Variants in LRRC49 observed in about 807,000 individuals in gnomAD.
LRRC49 encodes leucine-rich repeat-containing protein 49.
LRRC49 carries 50 observed loss-of-function variants against 83.3 expected under a neutral mutation model. The observed-to-expected ratio is 0.60, with a 90% CI of 0.48 to 0.76. LRRC49 has a LOEUF of 0.76. LRRC49 is among the 30% of genes least tolerant of loss of function. LRRC49 has a pLI of 0.00. For missense variants in LRRC49, 704 were observed against 809.1 expected (o/e 0.87, Z 1.58); for synonymous variants, 286 against 283.3 (o/e 1.01, Z -0.10).
chr15:70,855,701 C>G (rs1285650692), intron 1 of LRRC49, among the ~76,000 whole-genome samples: 2 of 152,184 alleles, frequency 1.3e-5, no homozygotes, highest in Non-Finnish European at 1.5e-5. Context: ...TGTCGGACCT[C>G]TGTTTTGATA....
At chr15:70,941,741 A>T (rs1245466642) in intron 8 of LRRC49, among the ~76,000 whole-genome samples, 1 of 152,180 alleles carries the variant, frequency 6.6e-6, no homozygotes, top group East Asian at 1.9e-4. Flanking sequence ...ACAAAAATAC[A>T]TACAGATACT....
rs532796087 is a variant in LRRC49, at chr15:71,018,643, A to G, written c.1703+5730A>G. Among the ~76,000 whole-genome samples the G allele has an allele frequency of 3.3e-5, 5 of 152,320 alleles. No individual in the cohort carries two copies. In the South Asian group the frequency reaches 8.3e-4, roughly 25 times the overall value. On this transcript the variant is annotated intron_variant, in intron 14 of 15. Coordinates refer to ENST00000260382, the MANE Select transcript of LRRC49 (RefSeq NM_017691.5). Reference sequence around the variant, plus strand: ...AGGGGGTTTTCCCTACACACTAGCCAGGCAATTCAGCAGCAGACACCAGCT... The same window carrying G: ...AGGGGGTTTTCCCTACACACTAGCCGGGCAATTCAGCAGCAGACACCAGCT...
chr15:71,010,217 G>A (rs1221779081), intron 13 of LRRC49, among the ~76,000 whole-genome samples: 1 of 151,850 alleles, frequency 6.6e-6, no homozygotes, highest in Non-Finnish European at 1.5e-5. Context: ...ATAGTAAATG[G>A]CAAATACTTA....
At chr15:70,938,946 A>G (rs990795219) in intron 8 of LRRC49, among the ~76,000 whole-genome samples, 7 of 152,232 alleles carry the variant, frequency 4.6e-5, no homozygotes, top group Admixed American at 2.0e-4. Flanking sequence ...GGAAAATATC[A>G]GAGTTTGTCA....
chr15:70,892,520 G>T (rs1055319243), upstream of LRRC49: 34 of 1,521,030 alleles, frequency 2.2e-5, no homozygotes, highest in Non-Finnish European at 2.9e-5. Flanking sequence ...CAAGCAGAGG[G>T]ATACAAATTT....
At chr15:70,972,466 G>C (rs892306539) in intron 9 of LRRC49, among the ~76,000 whole-genome samples, 9 of 152,056 alleles carry the variant, frequency 5.9e-5, no homozygotes, top group African/African-American at 2.2e-4. Flanking sequence ...TGTGTCTTGA[G>C]GTTGATTTTC....
chr15:70,892,443 A>T, upstream of LRRC49: 3 of 1,534,828 alleles, frequency 2.0e-6, no homozygotes, highest in Non-Finnish European at 2.6e-6. Flanking sequence ...TGGGGCCCCC[A>T]ATGGGAGGGC....
chr15:70,919,843 G>A (rs541700303), intron 7 of LRRC49, among the ~76,000 whole-genome samples: 88 of 152,262 alleles, frequency 5.8e-4, no homozygotes, highest in African/African-American at 2.0e-3. Flanking sequence ...TGGCATGTGA[G>A]CAGGAGGAAA....
At chr15:71,005,453 A>G (rs867614077) in intron 11 of LRRC49, among the ~76,000 whole-genome samples, 5 of 152,160 alleles carry the variant, frequency 3.3e-5, no homozygotes, top group African/African-American at 1.2e-4. Context: ...TATATCCCCA[A>G]TGCTTAACAC....
At chr15:70,884,860 A>T (rs1023948383) in intron 2 of LRRC49, among the ~76,000 whole-genome samples, 2 of 152,222 alleles carry the variant, frequency 1.3e-5, no homozygotes, top group African/African-American at 2.4e-5. Flanking sequence ...GAAGCTAAAA[A>T]TTAGTCATAA....
chr15:70,957,886 C>A (rs2036458577), intron 8 of LRRC49, among the ~76,000 whole-genome samples: 1 of 152,022 alleles, frequency 6.6e-6, no homozygotes, highest in African/African-American at 2.4e-5. Context: ...GATAATCTGT[C>A]AAATATATAT....
intron 2 of LRRC49, among the ~76,000 whole-genome samples, chr15:70,873,547 T>G (rs1398665881): frequency 6.6e-6 from 1 of 152,188 alleles, no homozygotes; most frequent in Non-Finnish European, 1.5e-5. Context: ...TTGGCGGATT[T>G]GCTGGACTTC....
chr15:71,015,298 TGG>T (rs1052011649), intron 14 of LRRC49, among the ~76,000 whole-genome samples: 5 of 152,204 alleles, frequency 3.3e-5, no homozygotes, highest in African/African-American at 1.2e-4. Flanking sequence ...TCAACCTTTT[TGG>T]CACCAGGGAC....
chr15:70,915,469 A>T (rs908921527), intron 6 of LRRC49, among the ~76,000 whole-genome samples: 5 of 152,192 alleles, frequency 3.3e-5, no homozygotes, highest in African/African-American at 4.8e-5. Context: ...TCTTGAGCTC[A>T]GGAAAGTTTT....
chr15:70,950,218 C>T (rs555236637), intron 8 of LRRC49, among the ~76,000 whole-genome samples: 46 of 152,268 alleles, frequency 3.0e-4, no homozygotes, highest in Non-Finnish European at 1.2e-4. Context: ...CGATGATGGA[C>T]ATCTTGGTTG....
At chr15:70,909,904 G>A (rs2034483333) in intron 5 of LRRC49, among the ~76,000 whole-genome samples, 1 of 147,146 alleles carries the variant, frequency 6.8e-6, no homozygotes, top group African/African-American at 2.5e-5. Context: ...GAAAGTTGTA[G>A]CTGTTTTCCC....
intron 11 of LRRC49, among the ~76,000 whole-genome samples, chr15:70,988,399 T>A (rs1265588025): frequency 6.7e-6 from 1 of 149,172 alleles, no homozygotes; most frequent in Non-Finnish European, 1.5e-5. Flanking sequence ...AATGGCCTTC[T>A]TTGTCTCTTT....
intron 6 of LRRC49, among the ~76,000 whole-genome samples, chr15:70,913,436 C>T (rs2034633168): frequency 6.6e-6 from 1 of 152,146 alleles, no homozygotes; most frequent in Admixed American, 6.5e-5. Flanking sequence ...TCTGGCTCTG[C>T]AGGTTAGTTA....
intron 11 of LRRC49, among the ~76,000 whole-genome samples, chr15:71,005,153 A>G (rs754621128): frequency 3.3e-5 from 5 of 152,166 alleles, no homozygotes; most frequent in Non-Finnish European, 7.4e-5. Context: ...AACTTAAAGT[A>G]GTCATTCCTG....
Sources: allele counts gnomAD v4.1 joint callset (sites outside exome capture counted in the v4.1 genomes callset), GRCh38; gene constraint gnomAD v4.1.1; transcripts MANE v1.5; gene names NCBI Gene and HGNC (gene_info 2026-07-23, HGNC 2026-07-21).